RABGAP1L: variants seen among roughly 807,000 people sequenced by gnomAD.
The protein encoded by RABGAP1L is rab GTPase-activating protein 1-like.
In RABGAP1L, 63 loss-of-function variants were observed where a neutral mutation model predicts 137.7. That is an observed-to-expected ratio of 0.46 (90% CI 0.37 to 0.56). The LOEUF is 0.56. Ranked by LOEUF, RABGAP1L falls within the 20% of genes least tolerant of loss-of-function variation. The probability of loss-of-function intolerance (pLI) is 0.00; values close to 1 mark genes in which losing one functional copy is unlikely to be tolerated. For missense variants in RABGAP1L, 1,095 were observed against 1,244.0 expected (o/e 0.88, Z 1.80); for synonymous variants, 431 against 433.7 (o/e 0.99, Z 0.08).
intron 4 of RABGAP1L, among the ~76,000 whole-genome samples, chr1:174,240,487 A>G (rs762951911): frequency 6.6e-6 from 1 of 152,178 alleles, no homozygotes; most frequent in African/African-American, 2.4e-5. Context: ...ACCTCAAGTG[A>G]TCCACCCATC....
chr1:174,605,064 C>G (rs924356726), intron 13 of RABGAP1L, among the ~76,000 whole-genome samples: 2 of 152,098 alleles, frequency 1.3e-5, no homozygotes, highest in Non-Finnish European at 2.9e-5. Context: ...TTGTTTGAGC[C>G]TGGGAGGCAG....
At chr1:174,557,229 T>A (rs574275709) in intron 13 of RABGAP1L, among the ~76,000 whole-genome samples, 5 of 152,358 alleles carry the variant, frequency 3.3e-5, no homozygotes, top group Admixed American at 3.3e-4. Context: ...TCTTCAGGAC[T>A]ATGGCAGGTC....
intron 19 of RABGAP1L, among the ~76,000 whole-genome samples, chr1:174,863,233 CAAAAAA>C (rs71117585): frequency 4.8e-5 from 4 of 82,636 alleles, no homozygotes; most frequent in African/African-American, 1.5e-4. Flanking sequence ...TTGTTTGTAG[CAAAAAA>C]AAAAAAAAAG....
intron 18 of RABGAP1L, among the ~76,000 whole-genome samples, chr1:174,801,864 A>G (rs1243040865): frequency 1.3e-5 from 2 of 152,194 alleles, no homozygotes; most frequent in Non-Finnish European, 2.9e-5. Flanking sequence ...ACTATATTTC[A>G]ACAAATTCTC....
intron 19 of RABGAP1L, among the ~76,000 whole-genome samples, chr1:174,920,284 G>A (rs1027349665): frequency 2.0e-5 from 3 of 152,198 alleles, no homozygotes; most frequent in East Asian, 3.8e-4. Context: ...GTGGCAGAAG[G>A]CAAGGAGGAG....
At chr1:174,650,184 C>T (rs61826942) in intron 14 of RABGAP1L, among the ~76,000 whole-genome samples, 13,025 of 152,072 alleles carry the variant, frequency 0.086, 746 homozygotes, top group East Asian at 0.21. Context: ...GGGATGGAGC[C>T]CACTTGATCA....
intron 19 of RABGAP1L, among the ~76,000 whole-genome samples, chr1:174,908,082 A>G (rs952750529): frequency 1.3e-5 from 2 of 152,244 alleles, no homozygotes; most frequent in African/African-American, 4.8e-5. Context: ...ATATAATGAT[A>G]AAAGGGTCAA....
chr1:174,293,176 A>G (rs928183047), intron 10 of RABGAP1L, among the ~76,000 whole-genome samples: 1 of 151,718 alleles, frequency 6.6e-6, no homozygotes, highest in African/African-American at 2.4e-5. Flanking sequence ...TTCTTCTTCA[A>G]TTTGGTTTTT....
chr1:174,445,422 C>T (rs1654631522), intron 13 of RABGAP1L, among the ~76,000 whole-genome samples: 1 of 151,856 alleles, frequency 6.6e-6, no homozygotes. Context: ...AGTGGATAAG[C>T]AATGTTTTTA....
intron 13 of RABGAP1L, among the ~76,000 whole-genome samples, chr1:174,531,729 G>A (rs970167766): frequency 7.4e-6 from 1 of 135,544 alleles, no homozygotes; most frequent in African/African-American, 2.6e-5. Flanking sequence ...AGGAAATATG[G>A]TGAGATACTG....
chr1:174,651,648 G>C (rs949766640), intron 14 of RABGAP1L, among the ~76,000 whole-genome samples: 1 of 152,058 alleles, frequency 6.6e-6, no homozygotes, highest in Non-Finnish European at 1.5e-5. Context: ...TCAGAGACTA[G>C]GATTGCAACC....
At chr1:174,211,122 A>G (rs1668852861) in intron 1 of RABGAP1L, among the ~76,000 whole-genome samples, 1 of 152,226 alleles carries the variant, frequency 6.6e-6, no homozygotes, top group Admixed American at 6.5e-5. Context: ...AAGAACGTTA[A>G]TGAGCATTAA....
rs186207575 is a variant in RABGAP1L, at chr1:174,959,438, A to T, written c.2433+1889A>T. Among the ~76,000 whole-genome samples the T allele has an allele frequency of 2.6e-5, 4 of 152,310 alleles. No individual in the cohort carries two copies. The East Asian group carries it at 7.7e-4, about 29-fold the overall frequency. The stretch of plus-strand genomic sequence containing the variant: ...AAATCAGGCTGGAATTGAACTTGTT[A>T]TTGTGTCTTAAATCCTTTTTTGTGC... On this transcript the variant is annotated intron_variant, in intron 20 of 25. Coordinates refer to ENST00000681986, the MANE Select transcript of RABGAP1L (RefSeq NM_001366446.1).
At chr1:174,348,057 T>G (rs1682616850) in intron 11 of RABGAP1L, among the ~76,000 whole-genome samples, 2 of 152,078 alleles carry the variant, frequency 1.3e-5, no homozygotes, top group African/African-American at 4.8e-5. Flanking sequence ...GTTATTTGTT[T>G]TCTTGTTGTT....
At chr1:174,683,058 GT>G (rs35576869) in intron 14 of RABGAP1L, among the ~76,000 whole-genome samples, 19,800 of 111,632 alleles carry the variant, frequency 0.18, 853 homozygotes, top group East Asian at 0.41. Flanking sequence ...TTCTAAAGGG[GT>G]TTTTTTTTTT....
At chr1:174,196,744 A>G (rs912879073) in intron 1 of RABGAP1L, among the ~76,000 whole-genome samples, 13 of 152,160 alleles carry the variant, frequency 8.5e-5, no homozygotes, top group Middle Eastern at 6.8e-3. Flanking sequence ...GAGAACATCA[A>G]TTAGAAATTT....
At position 174,658,520 on chromosome 1, in the gene RABGAP1L, C is replaced by T. The variant is rs150456069; in HGVS notation, c.1824+21032C>T. ...TTTTGAGCAGTATCTCTCTATATATCCAATCTCTCATTACTGCTGCCAGTT... is the reference window on the plus strand; with the variant it reads ...TTTTGAGCAGTATCTCTCTATATATTCAATCTCTCATTACTGCTGCCAGTT... On this transcript the variant is annotated intron_variant, in intron 14 of 25. Coordinates refer to ENST00000681986, the MANE Select transcript of RABGAP1L (RefSeq NM_001366446.1). Among the ~76,000 whole-genome samples the T allele has an allele frequency of 1.4e-3, 220 of 152,248 alleles. 2 individuals are homozygous for T. The highest frequency in any genetic ancestry group is 2.5e-3 in the Non-Finnish European group (171 of 68,002).
intron 7 of RABGAP1L, among the ~76,000 whole-genome samples, chr1:174,253,258 A>T (rs1672861544): frequency 2.0e-5 from 3 of 152,184 alleles, no homozygotes; most frequent in African/African-American, 7.2e-5. Flanking sequence ...AAGACAGGGA[A>T]ATGCGAATTA....
chr1:174,195,811 A>G (rs61828572), intron 1 of RABGAP1L, among the ~76,000 whole-genome samples: 1 of 36,108 alleles, frequency 2.8e-5, no homozygotes, highest in Non-Finnish European at 5.9e-5. Context: ...CTTTCTTTCT[A>G]TCCTTCTTTC....
Sources: allele counts gnomAD v4.1 joint callset (sites outside exome capture counted in the v4.1 genomes callset), GRCh38; gene constraint gnomAD v4.1.1; transcripts MANE v1.5; gene names NCBI Gene and HGNC (gene_info 2026-07-23, HGNC 2026-07-21).